CSMD1: variants seen among roughly 807,000 people sequenced by gnomAD.
CSMD1 encodes the protein CUB and sushi domain-containing protein 1.
In CSMD1, 213 loss-of-function variants were observed where a neutral mutation model predicts 417.5. The observed-to-expected ratio is 0.51, with a 90% confidence interval of 0.46 to 0.57. The LOEUF (loss-of-function observed/expected upper bound fraction) is 0.57. Among genes scored for constraint, CSMD1 ranks in the 20% least tolerant of loss-of-function variants. The probability of loss-of-function intolerance (pLI) is 0.00; values close to 1 mark genes in which losing one functional copy is unlikely to be tolerated. For missense variants in CSMD1, 6,923 were observed against 4,529.7 expected (o/e 1.53, Z -15.17); for synonymous variants, 2,862 against 1,736.8 (o/e 1.65, Z -16.11).
At chr8:3,316,147 C>A (rs571038040) in intron 23 of CSMD1, among the ~76,000 whole-genome samples, 2 of 152,128 alleles carry the variant, frequency 1.3e-5, no homozygotes, top group Admixed American at 1.3e-4. Context: ...ACTCTAAATT[C>A]ATCTTTAAAT....
chr8:3,441,510 T>TATATATATATATATATATATATACAC (rs1369666489), intron 12 of CSMD1, among the ~76,000 whole-genome samples: 3 of 147,080 alleles, frequency 2.0e-5, no homozygotes, highest in African/African-American at 7.5e-5. Context: ...TATATATATA[T>TATATATATATATATATATATATACAC]ACACACACAC....
chr8:4,724,548 G>C (rs1015347878), intron 1 of CSMD1, among the ~76,000 whole-genome samples: 7 of 150,924 alleles, frequency 4.6e-5, no homozygotes, highest in Non-Finnish European at 7.4e-5. Context: ...GTGTGTGTGT[G>C]TGTGTGTGTG....
At chr8:4,903,276 T>TTACAGC (rs1236668409) in intron 1 of CSMD1, among the ~76,000 whole-genome samples, 1 of 152,216 alleles carries the variant, frequency 6.6e-6, no homozygotes, top group Non-Finnish European at 1.5e-5. Flanking sequence ...CTGGAGTGAA[T>TTACAGC]TACAGCTGAC....
At chr8:4,309,219 A>C (rs77440429) in intron 3 of CSMD1, among the ~76,000 whole-genome samples, 95,858 of 151,600 alleles carry the variant, frequency 0.63, 31,266 homozygotes, top group East Asian at 0.86. Context: ...GTTTGATATT[A>C]CCGTTAAGTG....
At chr8:4,297,822 A>G (rs1017778821) in intron 3 of CSMD1, among the ~76,000 whole-genome samples, 1 of 152,164 alleles carries the variant, frequency 6.6e-6, no homozygotes, top group African/African-American at 2.4e-5. Context: ...ATTAAATTTG[A>G]TTTCTGAATA....
At chr8:3,699,064 G>A (rs1042114266) in intron 7 of CSMD1, among the ~76,000 whole-genome samples, 4 of 152,132 alleles carry the variant, frequency 2.6e-5, no homozygotes, top group African/African-American at 4.8e-5. Flanking sequence ...CTGCAGAAAG[G>A]CAGCATGCAT....
rs1199417312 is a variant in CSMD1, at chr8:4,443,312, C to T, written c.303-23247G>A. Among the ~76,000 whole-genome samples the T allele has an allele frequency of 2.0e-5, 3 of 152,012 alleles. No individual in the cohort carries two copies. The East Asian group carries it at 5.8e-4, about 29-fold the overall frequency. Reference sequence around the variant, plus strand: ...TGTATTCGCTAGAAAATAAACTTAACTTATTTTAGAGAAAGTCTACCCACA... The same window carrying T: ...TGTATTCGCTAGAAAATAAACTTAATTTATTTTAGAGAAAGTCTACCCACA... On this transcript the variant is annotated intron_variant, in intron 2 of 69. Transcript: ENST00000635120.
chr8:3,799,175 C>A (rs528779380), intron 5 of CSMD1, among the ~76,000 whole-genome samples: 163 of 152,122 alleles, frequency 1.1e-3, no homozygotes, highest in South Asian at 1.0e-2. Flanking sequence ...ATTTATTTGA[C>A]TATCATAAGA....
At chr8:3,285,200 C>T (rs1803053800) in intron 25 of CSMD1, among the ~76,000 whole-genome samples, 2 of 152,164 alleles carry the variant, frequency 1.3e-5, no homozygotes, top group South Asian at 4.1e-4. Flanking sequence ...AAAAAAACTA[C>T]CCACGAGTCT....
chr8:3,175,831 G>A (rs776368139), intron 37 of CSMD1, among the ~76,000 whole-genome samples: 1 of 152,120 alleles, frequency 6.6e-6, no homozygotes, highest in African/African-American at 2.4e-5. Flanking sequence ...ACTTCACTGG[G>A]TTTCCTAGTA....
chr8:4,207,777 A>G (rs1043326058), intron 3 of CSMD1, among the ~76,000 whole-genome samples: 1 of 152,160 alleles, frequency 6.6e-6, no homozygotes, highest in African/African-American at 2.4e-5. Flanking sequence ...ATAGCAAACC[A>G]TTAGAACTGG....
At chr8:4,060,665 G>C (rs373057996) in intron 3 of CSMD1, among the ~76,000 whole-genome samples, 10 of 152,042 alleles carry the variant, frequency 6.6e-5, no homozygotes, top group African/African-American at 2.4e-4. Context: ...GCGGCACCTG[G>C]CATGAACATA....
At chr8:3,766,955 C>A (rs554517414) in intron 5 of CSMD1, among the ~76,000 whole-genome samples, 1 of 152,268 alleles carries the variant, frequency 6.6e-6, no homozygotes, top group Non-Finnish European at 1.5e-5. Context: ...AGATGCAGCA[C>A]GGCTAATGCA....
In CSMD1 at chr8:3,587,892, C is replaced by A. The variant is rs533304445; in HGVS notation, c.1098-1632G>T. ...GTTCTATGGAACTAATTTTGAGAAA[C>A]CCGGCATCATAAGAACATAATATGT... On this transcript the variant is annotated intron_variant, in intron 8 of 69. Coordinates refer to ENST00000635120, the MANE Select transcript of CSMD1 (RefSeq NM_033225.6). Among the ~76,000 whole-genome samples, 101 of 152,010 alleles carry A rather than the reference C, an allele frequency of 6.6e-4. 1 individual carries two copies. The highest frequency in any genetic ancestry group is 6.8e-3 in the Middle Eastern group (2 of 294).
At chr8:4,855,177 A>G (rs921777472) in intron 1 of CSMD1, among the ~76,000 whole-genome samples, 2 of 150,290 alleles carry the variant, frequency 1.3e-5, no homozygotes, top group South Asian at 2.1e-4. Flanking sequence ...ACGGCAGGGT[A>G]CTCCAACAGA....
intron 2 of CSMD1, among the ~76,000 whole-genome samples, chr8:4,582,878 T>A (rs1025471301): frequency 6.6e-6 from 1 of 152,160 alleles, no homozygotes; most frequent in Non-Finnish European, 1.5e-5. Context: ...GCGGGCCAGC[T>A]GGAGTTCCGG....
At position 3,189,899 on chromosome 8, in the gene CSMD1, G is replaced by C; in HGVS notation, c.5398+13C>G. On this transcript the variant is annotated intron_variant, in intron 34 of 69. Coordinates refer to ENST00000635120, the MANE Select transcript of CSMD1 (RefSeq NM_033225.6). Reference sequence around the variant, plus strand: ...AGAGTTCTGGCGGGCAGCCGCTTAGGGACACTGCTCACCCACACAGCTGGG... The same window carrying C: ...AGAGTTCTGGCGGGCAGCCGCTTAGCGACACTGCTCACCCACACAGCTGGG... 1 of 1,562,096 alleles carries C rather than the reference G, an allele frequency of 6.4e-7. No homozygotes were observed. Among genetic ancestry groups the C allele is most frequent in the Non-Finnish European group, 8.7e-7 (1 of 1,154,360 alleles).
intron 3 of CSMD1, among the ~76,000 whole-genome samples, chr8:4,411,881 T>A (rs1796667021): frequency 6.6e-6 from 1 of 152,152 alleles, no homozygotes; most frequent in Non-Finnish European, 1.5e-5. Context: ...CACTTTAATG[T>A]ACCATGCACA....
intron 5 of CSMD1, among the ~76,000 whole-genome samples, chr8:3,958,534 C>A (rs889020724): frequency 6.6e-6 from 1 of 152,214 alleles, no homozygotes; most frequent in East Asian, 1.9e-4. Context: ...GGGTTTAGTT[C>A]TATTATTCAT....
Sources: allele counts gnomAD v4.1 joint callset (sites outside exome capture counted in the v4.1 genomes callset), GRCh38; gene constraint gnomAD v4.1.1; transcripts MANE v1.5; gene names NCBI Gene and HGNC (gene_info 2026-07-23, HGNC 2026-07-21).